Variants in DPP6 observed in about 807,000 individuals in gnomAD.
DPP6 encodes the protein A-type potassium channel modulatory protein DPP6.
A neutral mutation model predicts 122.6 loss-of-function variants in DPP6; 69 were observed. That is an observed-to-expected ratio of 0.56 (90% CI 0.46 to 0.69). The LOEUF (loss-of-function observed/expected upper bound fraction) is 0.69. Among genes scored for constraint, DPP6 ranks in the 30% least tolerant of loss-of-function variants. The pLI, the probability that DPP6 is intolerant of heterozygous loss-of-function variation, is 0.00. For missense variants in DPP6, 928 were observed against 1,116.9 expected (o/e 0.83, Z 2.41); for synonymous variants, 418 against 433.1 (o/e 0.97, Z 0.43).
chr7:154,135,143 T>A (rs56337538), intron 1 of DPP6, among the ~76,000 whole-genome samples: 65,796 of 151,498 alleles, frequency 0.43, 15,536 homozygotes, highest in Non-Finnish European at 0.54. Context: ...GAGCCCACAT[T>A]GTGGGTGTAC....
intron 1 of DPP6, among the ~76,000 whole-genome samples, chr7:154,183,212 C>T (rs1050095930): frequency 1.3e-5 from 2 of 152,164 alleles, no homozygotes; most frequent in African/African-American, 2.4e-5. Context: ...AGTTTCGACT[C>T]TTGCCTCTGA....
intron 7 of DPP6, among the ~76,000 whole-genome samples, chr7:154,708,422 A>T (rs764404133): frequency 1.3e-5 from 2 of 152,218 alleles, no homozygotes; most frequent in Non-Finnish European, 2.9e-5. Context: ...GCTGGGTGTC[A>T]TTAGTGTTCA....
chr7:154,426,062 A>G (rs1404948569), intron 1 of DPP6, among the ~76,000 whole-genome samples: 2 of 152,180 alleles, frequency 1.3e-5, no homozygotes, highest in African/African-American at 4.8e-5. Context: ...AATTGGATTC[A>G]ACTTTCTTCC....
At chr7:154,387,221 C>T (rs985000321) in intron 1 of DPP6, among the ~76,000 whole-genome samples, 1 of 152,142 alleles carries the variant, frequency 6.6e-6, no homozygotes, top group Non-Finnish European at 1.5e-5. Context: ...AAGGAGGCTA[C>T]CATTCATTCC....
In DPP6 at chr7:154,271,568, G is replaced by A. The variant is rs540825211; in HGVS notation, c.244-174646G>A. 2.4e-4 allele frequency among the ~76,000 whole-genome samples: 37 copies of A among 152,278 alleles called. No homozygotes were observed. In the South Asian group the frequency reaches 2.7e-3, roughly 11 times the overall value. The stretch of plus-strand genomic sequence containing the variant: ...TTCCCTCCATCTTACCTTTGGCACT[G>A]GAGATAAATGAAATAGGCTGTTCTG... On this transcript the variant is annotated intron_variant, in intron 1 of 25. Coordinates refer to ENST00000377770, the MANE Select transcript of DPP6 (RefSeq NM_130797.4).
intron 1 of DPP6, among the ~76,000 whole-genome samples, chr7:154,247,632 C>T (rs537010410): frequency 5.3e-5 from 8 of 152,104 alleles, no homozygotes; most frequent in Admixed American, 2.6e-4. Context: ...ACAACACAAA[C>T]GCTCATACAT....
intron 1 of DPP6, among the ~76,000 whole-genome samples, chr7:154,108,797 A>G (rs1806349284): frequency 1.3e-5 from 2 of 152,208 alleles, no homozygotes; most frequent in Admixed American, 1.3e-4. Flanking sequence ...AAGTTGAAAT[A>G]TACGTTACCA....
At chr7:154,057,729 C>T (rs1298449539) in intron 1 of DPP6, 2 of 150,476 alleles carry the variant, frequency 1.3e-5, no homozygotes, top group African/African-American at 5.0e-5. Flanking sequence ...CCGACAACAG[C>T]AAGTCTTTCA....
At chr7:154,049,440 A>G (rs1800183533), upstream of DPP6, among the ~76,000 whole-genome samples, 1 of 110,212 alleles carries the variant, frequency 9.1e-6, no homozygotes, top group African/African-American at 3.6e-5. Context: ...CACTTATTCT[A>G]ACATACTAAC....
chr7:154,638,880 C>T (rs537734082), intron 6 of DPP6, among the ~76,000 whole-genome samples: 20 of 152,312 alleles, frequency 1.3e-4, no homozygotes, highest in South Asian at 4.1e-4. Flanking sequence ...CCTCATGTTT[C>T]TCTTTCCTGT....
chr7:154,084,989 CAA>C (rs370222780), intron 1 of DPP6, among the ~76,000 whole-genome samples: 3 of 78,424 alleles, frequency 3.8e-5, no homozygotes, highest in Non-Finnish European at 6.8e-5. Context: ...GACTCCGTCT[CAA>C]AAAAAAAAAA....
At chr7:154,549,119 C>G (rs1366901017) in intron 4 of DPP6, among the ~76,000 whole-genome samples, 1 of 152,100 alleles carries the variant, frequency 6.6e-6, no homozygotes, top group Non-Finnish European at 1.5e-5. Flanking sequence ...GGAAAGGTGT[C>G]AACCAAAATT....
At chr7:154,480,064 A>G (rs1456083956) in intron 3 of DPP6, among the ~76,000 whole-genome samples, 2 of 151,840 alleles carry the variant, frequency 1.3e-5, no homozygotes, top group Admixed American at 6.6e-5. Flanking sequence ...TCTGCACTCA[A>G]TCTAAAGGAA....
chr7:154,409,007 A>T (rs1297429427), intron 1 of DPP6, among the ~76,000 whole-genome samples: 5 of 152,020 alleles, frequency 3.3e-5, no homozygotes, highest in African/African-American at 1.2e-4. Flanking sequence ...GCCAGGTGGT[A>T]GTGGTGCATG....
At chr7:154,124,705 G>A (rs1807749838) in intron 1 of DPP6, among the ~76,000 whole-genome samples, 1 of 152,212 alleles carries the variant, frequency 6.6e-6, no homozygotes, top group African/African-American at 2.4e-5. Context: ...TGAGCAATTG[G>A]TTGAATATGG....
intron 1 of DPP6, among the ~76,000 whole-genome samples, chr7:154,144,273 T>C (rs1215577486): frequency 1.3e-5 from 2 of 150,630 alleles, no homozygotes; most frequent in African/African-American, 4.8e-5. Context: ...CACTCATTTA[T>C]TCATTTATTC....
rs142836744 is a variant in DPP6 at position 154,185,771 on chromosome 7, A to G, written c.243+132708A>G. Among the ~76,000 whole-genome samples, 587 of 152,288 alleles carry G rather than the reference A, an allele frequency of 3.9e-3. 5 individuals are homozygous for G. Among genetic ancestry groups the G allele is most frequent in the African/African-American group, 0.011 (472 of 41,544 alleles). ...ATATTCTTTGTCAATTACTTCTGGA[A>G]TCCCCATATCTACTCTTTTAGGCTT... On this transcript the variant is annotated intron_variant, in intron 1 of 25. Transcript: ENST00000377770.
chr7:154,127,620 C>CACACACACACACAG (rs559326191), intron 1 of DPP6, among the ~76,000 whole-genome samples: 3 of 119,480 alleles, frequency 2.5e-5, no homozygotes, highest in African/African-American at 1.2e-4. Flanking sequence ...CACACACACA[C>CACACACACACACAG]ACACACACAC....
chr7:154,302,366 C>T (rs995615245), intron 1 of DPP6, among the ~76,000 whole-genome samples: 3 of 152,210 alleles, frequency 2.0e-5, no homozygotes, highest in African/African-American at 7.2e-5. Flanking sequence ...ATATCTCGCT[C>T]TTTTGTTTTT....
Sources: gnomAD v4.1 joint callset for allele counts (sites outside exome capture counted in the v4.1 genomes callset) on GRCh38, gnomAD v4.1.1 for gene constraint, MANE v1.5 for transcripts, NCBI Gene and HGNC (gene_info 2026-07-23, HGNC 2026-07-21) for gene names.